SGCD: variants seen among roughly 807,000 people sequenced by gnomAD.
The protein encoded by SGCD is delta-sarcoglycan.
Under a neutral mutation model 36.6 loss-of-function variants are expected in SGCD, and 18 were observed. That is an observed-to-expected ratio of 0.49 (90% confidence interval 0.34 to 0.73). SGCD has a LOEUF of 0.73. SGCD is among the 30% of genes least tolerant of loss of function. The probability of loss-of-function intolerance (pLI) is 0.01; values close to 1 mark genes in which losing one functional copy is unlikely to be tolerated. For missense variants in SGCD, 387 were observed against 346.7 expected, an observed-to-expected ratio of 1.12 and a Z score of -0.92; for synonymous variants, 133 against 130.6, an observed-to-expected ratio of 1.02 and a Z score of -0.12.
chr5:156,049,344 T>A (rs1215442142), intron 1 of SGCD, among the ~76,000 whole-genome samples: 2 of 146,112 alleles, frequency 1.4e-5, no homozygotes, highest in East Asian at 1.9e-4. Flanking sequence ...TAAAGTAGTT[T>A]TTTCCAATTC....
intron 3 of SGCD, among the ~76,000 whole-genome samples, chr5:156,173,532 CA>C (rs554496541): frequency 5.5e-4 from 83 of 152,008 alleles, no homozygotes; most frequent in African/African-American, 1.9e-3. Context: ...CTGTTACATC[CA>C]GGGGAAAAAA....
At chr5:155,851,047 G>T in the SGCD span, among the ~76,000 whole-genome samples, 2 of 152,176 alleles carry the variant, frequency 1.3e-5, no homozygotes, top group African/African-American at 4.8e-5. Flanking sequence ...TATTTTGGGA[G>T]TGCCAGTTGA....
At chr5:156,050,786 C>T (rs1759895832) in intron 1 of SGCD, among the ~76,000 whole-genome samples, 1 of 146,390 alleles carries the variant, frequency 6.8e-6, no homozygotes, top group Non-Finnish European at 1.5e-5. Context: ...ATCTGCATTC[C>T]TTGGCCCATT....
At chr5:156,529,745 C>A (rs1757806986) in intron 4 of SGCD, among the ~76,000 whole-genome samples, 1 of 152,196 alleles carries the variant, frequency 6.6e-6, no homozygotes, top group Non-Finnish European at 1.5e-5. Flanking sequence ...AAATTATAAT[C>A]ATATACTGTT....
At chr5:155,909,798 CAGCTT>C (rs1179004773) in intron 1 of SGCD, among the ~76,000 whole-genome samples, 3 of 152,024 alleles carry the variant, frequency 2.0e-5, no homozygotes, top group Non-Finnish European at 4.4e-5. Flanking sequence ...ACATTCTAAA[CAGCTT>C]AACAGATGAA....
At chr5:156,421,360 C>T (rs1011343131) in intron 3 of SGCD, among the ~76,000 whole-genome samples, 9 of 152,204 alleles carry the variant, frequency 5.9e-5, no homozygotes, top group Middle Eastern at 6.8e-3. Flanking sequence ...CGTGGATTTG[C>T]ATCCTGAATC....
chr5:156,324,903 AT>A (rs974263922), upstream of SGCD, among the ~76,000 whole-genome samples: 8 of 152,312 alleles, frequency 5.3e-5, no homozygotes, highest in African/African-American at 1.7e-4. Context: ...TCTCTGAAAG[AT>A]TTCTTCCTCA....
chr5:156,076,810 C>T (rs561538716), intron 1 of SGCD, among the ~76,000 whole-genome samples: 1 of 152,216 alleles, frequency 6.6e-6, no homozygotes, highest in South Asian at 2.1e-4. Flanking sequence ...TTGTAGAGCT[C>T]CCAAATGAAC....
At chr5:156,489,729 A>C (rs1268745855) in intron 3 of SGCD, among the ~76,000 whole-genome samples, 1 of 152,096 alleles carries the variant, frequency 6.6e-6, no homozygotes, top group Non-Finnish European at 1.5e-5. Flanking sequence ...AAGCAGCACT[A>C]AGAGGAAAGT....
chr5:155,940,119 G>A (rs1489715871), intron 1 of SGCD, among the ~76,000 whole-genome samples: 1 of 152,126 alleles, frequency 6.6e-6, no homozygotes, highest in East Asian at 1.9e-4. Context: ...TTATAGGCGT[G>A]AGCCATCACA....
intron 3 of SGCD, among the ~76,000 whole-genome samples, chr5:156,222,798 G>A (rs1764749160): frequency 6.6e-6 from 1 of 151,962 alleles, no homozygotes; most frequent in South Asian, 2.1e-4. Flanking sequence ...TTAAAAGGTA[G>A]CTCATATGAT....
intron 5 of SGCD, 104 bp downstream of exon 5, chr5:156,589,422 C>T (rs1038838139): frequency 1.5e-6 from 1 of 657,572 alleles, no homozygotes; most frequent in South Asian, 1.9e-5. Flanking sequence ...ATAAAGTGTG[C>T]TAACACATTG....
chr5:156,412,787 C>CTTTTTTTTTTTTTTTTTTTTTTTTT (rs35464853), intron 3 of SGCD, among the ~76,000 whole-genome samples: 3 of 105,032 alleles, frequency 2.9e-5, no homozygotes, highest in Non-Finnish European at 5.8e-5. Flanking sequence ...AGGGTTGGTT[C>CTTTTTTTTTTTTTTTTTTTTTTTTT]TTTTTTTTTT....
At chr5:156,124,096 C>A (rs972616944) in intron 3 of SGCD, 1 of 152,212 alleles carries the variant, frequency 6.6e-6, no homozygotes, top group African/African-American at 2.4e-5. Flanking sequence ...TGCAGCCTTT[C>A]TCCTCCCCCT....
chr5:156,511,595 A>G (rs1409599914), intron 4 of SGCD, among the ~76,000 whole-genome samples: 10 of 152,218 alleles, frequency 6.6e-5, no homozygotes, highest in Non-Finnish European at 1.0e-4. Flanking sequence ...TCATCTTTGT[A>G]TCAGCTCAGA....
At position 156,759,602 on chromosome 5, in the gene SGCD, A is replaced by C. The variant is rs2113188209; in HGVS notation, c.*212A>C. 1 of 162,586 alleles carries C rather than the reference A, an allele frequency of 6.2e-6. No individual in the cohort carries two copies. The highest frequency in any genetic ancestry group is 3.0e-3 in the Middle Eastern group (1 of 336). 10.1% of individuals were successfully genotyped at this position (162,586 alleles called of 1,614,324 possible). On this transcript the variant is annotated 3_prime_UTR_variant, in exon 9 of 9. Coordinates refer to ENST00000337851, the MANE Select transcript of SGCD (RefSeq NM_000337.6). ...AATAAATATATATATCCTCTGTATAAAATGAGGTTTCAGTACAAAAGGAAC... is the reference window on the plus strand; with the variant it reads ...AATAAATATATATATCCTCTGTATACAATGAGGTTTCAGTACAAAAGGAAC...
chr5:156,090,030 C>T (rs996038598), intron 1 of SGCD, among the ~76,000 whole-genome samples: 1 of 152,054 alleles, frequency 6.6e-6, no homozygotes, highest in Non-Finnish European at 1.5e-5. Flanking sequence ...TATGAAGGTC[C>T]CTGACATCTC....
At chr5:155,827,018 G>C in the SGCD span, among the ~76,000 whole-genome samples, 1 of 152,170 alleles carries the variant, frequency 6.6e-6, no homozygotes, top group Non-Finnish European at 1.5e-5. Context: ...TGTTCCCTAT[G>C]TAAGAAGAAA....
At chr5:156,101,519 A>G (rs1333597746) in intron 1 of SGCD, among the ~76,000 whole-genome samples, 1 of 152,194 alleles carries the variant, frequency 6.6e-6, no homozygotes, top group East Asian at 1.9e-4. Context: ...TTAACAAGAG[A>G]AGTTCTCCCC....
Sources: allele counts gnomAD v4.1 joint callset (sites outside exome capture counted in the v4.1 genomes callset), GRCh38; gene constraint gnomAD v4.1.1; transcripts MANE v1.5; gene names NCBI Gene and HGNC (gene_info 2026-07-23, HGNC 2026-07-21).